The following MEMO1 variants were observed in gnomAD, a reference collection of about 807,000 sequenced individuals.
The protein encoded by MEMO1 is protein MEMO1.
MEMO1 carries 6 observed loss-of-function variants against 45.2 expected under a neutral mutation model. The observed-to-expected ratio is 0.13, with a 90% CI of 0.07 to 0.26. The LOEUF is 0.26. Among genes scored for constraint, MEMO1 ranks in the 10% least tolerant of loss-of-function variants. The pLI, the probability that MEMO1 is intolerant of heterozygous loss-of-function variation, is 1.00. For missense variants in MEMO1, 184 were observed against 370.5 expected (o/e 0.50, Z 4.13); for synonymous variants, 78 against 124.3 (o/e 0.63, Z 2.48).
At position 31,905,255 on chromosome 2, in the gene MEMO1, T is replaced by C. The variant is rs191725216; in HGVS notation, c.437+12671A>G. On this transcript the variant is annotated intron_variant, in intron 6 of 9. Transcript: ENST00000404530. Reference sequence around the variant, plus strand: ...TCTCCAAAAAAGAAACAAAAAAAGATCCAGAAAACATCAGAGGCAAAGAAC... The same window carrying C: ...TCTCCAAAAAAGAAACAAAAAAAGACCCAGAAAACATCAGAGGCAAAGAAC... 2.1e-4 allele frequency among the ~76,000 whole-genome samples: 32 copies of C among 150,790 alleles called. 1 individual carries two copies. Among genetic ancestry groups the C allele is most frequent in the Admixed American group, 1.7e-3 (26 of 15,150 alleles).
intron 8 of MEMO1, among the ~76,000 whole-genome samples, chr2:31,879,442 T>C (rs1375230081): frequency 6.6e-6 from 1 of 152,208 alleles, no homozygotes; most frequent in Non-Finnish European, 1.5e-5. Flanking sequence ...CTCTAAACAA[T>C]GGCATTAACA....
intron 2 of MEMO1, among the ~76,000 whole-genome samples, chr2:31,953,473 T>G (rs1431471182): frequency 6.6e-6 from 1 of 152,088 alleles, no homozygotes; most frequent in Non-Finnish European, 1.5e-5. Flanking sequence ...TTTCTTTTTT[T>G]GAGACGGAGT....
chr2:31,997,818 G>A (rs912405435), intron 2 of MEMO1, among the ~76,000 whole-genome samples: 5 of 152,094 alleles, frequency 3.3e-5, no homozygotes, highest in African/African-American at 7.2e-5. Context: ...GGATATTATC[G>A]AATCTACATT....
In MEMO1 at chr2:31,891,944, C is replaced by T. The variant is rs144856186; in HGVS notation, c.580+48G>A. ...GCTTAGAATGAAAAGATACCTTTAA[C>T]CAGAAGTATATAACATCTACCATGA... On this transcript the variant is annotated intron_variant, in intron 7 of 9. Coordinates refer to ENST00000404530, the MANE Select transcript of MEMO1 (RefSeq NM_001301833.4). 22 of 1,531,560 alleles carry T rather than the reference C, an allele frequency of 1.4e-5. No individual in the cohort carries two copies. In the African/African-American group the frequency reaches 1.9e-4, roughly 14 times the overall value. The allele number at this position is 1,531,560 out of a possible 1,614,324, so 94.9% of individuals were successfully genotyped here. A position where few individuals can be genotyped will look rare whatever the true frequency, so the allele number is the denominator to read the frequency against.
At chr2:32,002,186 TAC>T (rs66840564) in intron 2 of MEMO1, among the ~76,000 whole-genome samples, 2,409 of 115,966 alleles carry the variant, frequency 0.021, 55 homozygotes, top group Non-Finnish European at 0.03. Flanking sequence ...TATATATATA[TAC>T]ACACACACAC....
chr2:31,902,208 G>A (rs1429032891), intron 6 of MEMO1, among the ~76,000 whole-genome samples: 2 of 152,090 alleles, frequency 1.3e-5, no homozygotes, highest in African/African-American at 2.4e-5. Context: ...CTTAAGGCCA[G>A]GAGTTAGAGA....
intron 4 of MEMO1, among the ~76,000 whole-genome samples, chr2:31,924,416 A>G (rs543591237): frequency 2.6e-5 from 4 of 151,944 alleles, no homozygotes; most frequent in South Asian, 2.1e-4. Context: ...TAACTTTTCA[A>G]TATTAGCACA....
intron 2 of MEMO1, among the ~76,000 whole-genome samples, chr2:31,999,853 C>A (rs1040346388): frequency 2.0e-5 from 3 of 151,320 alleles, no homozygotes; most frequent in Admixed American, 2.0e-4. Context: ...ATGTACAATA[C>A]AAGGCTTGTT....
rs79133124 is a variant in MEMO1 at position 31,903,580 on chromosome 2, T to G, written c.438-11446A>C. 6.9e-3 allele frequency among the ~76,000 whole-genome samples: 1,049 copies of G among 152,286 alleles called. 13 individuals are homozygous for G. Among genetic ancestry groups the G allele is most frequent in the African/African-American group, 0.025 (1,023 of 41,558 alleles). ...TCCATTACCACCAACAAAGAATGAT[T>G]TGCTATTATTCTGGAGCTCACTCAT... is the stretch of plus-strand genomic sequence containing the variant. On this transcript the variant is annotated intron_variant, in intron 6 of 9. Transcript: ENST00000404530.
chr2:31,948,800 G>T (rs1022610941), intron 2 of MEMO1, among the ~76,000 whole-genome samples: 21 of 152,190 alleles, frequency 1.4e-4, no homozygotes, highest in African/African-American at 4.8e-4. Context: ...TTGGAAGGCT[G>T]AGGCAGGATT....
At chr2:31,907,207 T>C (rs1180893782) in intron 6 of MEMO1, among the ~76,000 whole-genome samples, 2 of 152,170 alleles carry the variant, frequency 1.3e-5, no homozygotes, top group Non-Finnish European at 2.9e-5. Context: ...AACTCAACTA[T>C]TACCTCTTTC....
intron 2 of MEMO1, among the ~76,000 whole-genome samples, chr2:32,000,232 TA>T (rs1424310555): frequency 6.6e-6 from 1 of 150,978 alleles, no homozygotes; most frequent in Non-Finnish European, 1.5e-5. Flanking sequence ...CCTTTTTACT[TA>T]TTTTTTTTTT....
At chr2:31,872,611 A>G (rs1218174578) in intron 8 of MEMO1, among the ~76,000 whole-genome samples, 1 of 152,192 alleles carries the variant, frequency 6.6e-6, no homozygotes, top group Non-Finnish European at 1.5e-5. Flanking sequence ...TTAAATGCAG[A>G]AAAAATACTA....
At chr2:31,914,602 CCATA>C (rs1681131383) in intron 6 of MEMO1, among the ~76,000 whole-genome samples, 1 of 151,872 alleles carries the variant, frequency 6.6e-6, no homozygotes. Context: ...CTCATGTACC[CCATA>C]TATACACCAT....
intron 2 of MEMO1, 80 bp downstream of exon 2, chr2:32,010,107 G>A (rs1674667404): frequency 1.4e-6 from 1 of 726,896 alleles, no homozygotes; most frequent in South Asian, 6.0e-5. Flanking sequence ...CCGCCGCGGG[G>A]CCGGGCCGCC....
intron 8 of MEMO1, among the ~76,000 whole-genome samples, chr2:31,872,919 A>C (rs1347193507): frequency 2.0e-5 from 3 of 152,190 alleles, no homozygotes; most frequent in African/African-American, 7.2e-5. Context: ...TAAAATTTAG[A>C]AATGGAACAT....
chr2:31,929,428 C>T (rs1011027338), intron 4 of MEMO1, among the ~76,000 whole-genome samples: 1 of 151,960 alleles, frequency 6.6e-6, no homozygotes, highest in Non-Finnish European at 1.5e-5. Context: ...ATACTCTTCC[C>T]AACAATGTCT....
At chr2:32,001,032 ATTTTTT>A (rs66617379) in intron 2 of MEMO1, among the ~76,000 whole-genome samples, 3 of 104,558 alleles carry the variant, frequency 2.9e-5, no homozygotes, top group Non-Finnish European at 5.6e-5. Flanking sequence ...ATAAATTTTG[ATTTTTT>A]TTTTTTTTTT....
intron 6 of MEMO1, among the ~76,000 whole-genome samples, chr2:31,910,648 C>G (rs1016544946): frequency 6.6e-6 from 1 of 152,046 alleles, no homozygotes; most frequent in African/African-American, 2.4e-5. Flanking sequence ...TCACTTGAGC[C>G]CATGAGTTCA....
Sources: allele counts gnomAD v4.1 joint callset (sites outside exome capture counted in the v4.1 genomes callset), GRCh38; gene constraint gnomAD v4.1.1; transcripts MANE v1.5; gene names NCBI Gene and HGNC (gene_info 2026-07-23, HGNC 2026-07-21).